Variants in RANBP2 observed in about 807,000 individuals in gnomAD.
The protein encoded by RANBP2 is E3 SUMO-protein ligase RanBP2.
RANBP2 carries 57 observed loss-of-function variants against 303.6 expected under a neutral mutation model. The ratio of observed to expected loss-of-function variants is 0.19; its 90% CI spans 0.15 to 0.23. The LOEUF (loss-of-function observed/expected upper bound fraction) is 0.23. Among genes scored for constraint, RANBP2 ranks in the 10% least tolerant of loss-of-function variants. The pLI is 1.00. For missense variants in RANBP2, 3,138 were observed against 3,780.8 expected (o/e 0.83, Z 4.46); for synonymous variants, 1,167 against 1,301.5 (o/e 0.90, Z 2.23).
At chr2:109,496,254 T>G in the RANBP2 span, among the ~76,000 whole-genome samples, 1 of 152,206 alleles carries the variant, frequency 6.6e-6, no homozygotes, top group Non-Finnish European at 1.5e-5. Context: ...CACTAATTGC[T>G]GCATTTTATA....
At chr2:108,872,610 T>C in the RANBP2 span, among the ~76,000 whole-genome samples, 110,682 of 151,954 alleles carry the variant, frequency 0.73, 43,053 homozygotes, top group East Asian at 0.95. Flanking sequence ...ATCAAGATGC[T>C]GGCATCTTGC....
At chr2:109,201,263 G>T in the RANBP2 span, among the ~76,000 whole-genome samples, 1 of 152,188 alleles carries the variant, frequency 6.6e-6, no homozygotes, top group Non-Finnish European at 1.5e-5. Context: ...AAATTTTGCT[G>T]GCCTTGTATT....
the RANBP2 span, among the ~76,000 whole-genome samples, chr2:109,323,091 C>T: frequency 6.6e-5 from 10 of 152,194 alleles, no homozygotes; most frequent in African/African-American, 4.8e-5. Context: ...TGTGGGGCTT[C>T]TGCTTTTGCC....
chr2:109,050,537 G>C, the RANBP2 span, among the ~76,000 whole-genome samples: 1 of 152,128 alleles, frequency 6.6e-6, no homozygotes, highest in Non-Finnish European at 1.5e-5. Flanking sequence ...TTACAGGTGT[G>C]AGCCACCATG....
At chr2:109,619,568 C>T in the RANBP2 span, among the ~76,000 whole-genome samples, 2 of 152,278 alleles carry the variant, frequency 1.3e-5, no homozygotes, top group South Asian at 4.1e-4. Context: ...CACTATTGCT[C>T]TATCCGGGAG....
At chr2:109,662,435 C>T in the RANBP2 span, among the ~76,000 whole-genome samples, 8 of 152,036 alleles carry the variant, frequency 5.3e-5, no homozygotes, top group East Asian at 1.9e-4. Flanking sequence ...TACAGGCACC[C>T]GCCACCATGC....
At chr2:108,779,772 C>T (rs987486430) in intron 25 of RANBP2, among the ~76,000 whole-genome samples, 10 of 152,122 alleles carry the variant, frequency 6.6e-5, no homozygotes, top group Non-Finnish European at 1.2e-4. Context: ...TCATTGTTCC[C>T]CCATACAGAA....
At chr2:109,335,830 A>G in the RANBP2 span, among the ~76,000 whole-genome samples, 1 of 152,212 alleles carries the variant, frequency 6.6e-6, no homozygotes, top group African/African-American at 2.4e-5. Flanking sequence ...AGAGGATAAG[A>G]ATGAAAGTTA....
the RANBP2 span, among the ~76,000 whole-genome samples, chr2:109,731,775 A>G: frequency 6.6e-6 from 1 of 151,826 alleles, no homozygotes; most frequent in Non-Finnish European, 1.5e-5. Flanking sequence ...GGCAGGAGCC[A>G]CTGCGTCTGG....
chr2:109,135,399 G>A, the RANBP2 span, among the ~76,000 whole-genome samples: 1 of 152,248 alleles, frequency 6.6e-6, no homozygotes, highest in African/African-American at 2.4e-5. Flanking sequence ...CATCTGCCCC[G>A]GGGCAAATGG....
the RANBP2 span, among the ~76,000 whole-genome samples, chr2:109,000,175 T>C: frequency 1.3e-5 from 2 of 152,070 alleles, no homozygotes. Context: ...GTGTTCCAGA[T>C]GAGGAGGCAA....
chr2:109,111,115 A>C, the RANBP2 span, among the ~76,000 whole-genome samples: 1 of 152,180 alleles, frequency 6.6e-6, no homozygotes, highest in Non-Finnish European at 1.5e-5. Flanking sequence ...TCTCATGCTG[A>C]AAGTCTTACT....
chr2:108,960,048 A>G, the RANBP2 span, among the ~76,000 whole-genome samples: 1 of 152,134 alleles, frequency 6.6e-6, no homozygotes, highest in African/African-American at 2.4e-5. Context: ...CTGAGAAAGC[A>G]GTGCCCTCCA....
chr2:108,949,270 C>T, the RANBP2 span, among the ~76,000 whole-genome samples: 1 of 152,164 alleles, frequency 6.6e-6, no homozygotes, highest in African/African-American at 2.4e-5. Context: ...GTGTGAGCCA[C>T]CAAGCCTGGC....
At chr2:109,623,553 G>A in the RANBP2 span, among the ~76,000 whole-genome samples, 1 of 152,340 alleles carries the variant, frequency 6.6e-6, no homozygotes, top group Admixed American at 6.5e-5. Context: ...AACCCAGAGT[G>A]ACCCCGATGG....
the RANBP2 span, chr2:109,615,026 G>A: frequency 6.5e-7 from 1 of 1,547,174 alleles, no homozygotes; most frequent in Non-Finnish European, 8.7e-7. Context: ...TGGAGCTCCC[G>A]CCACATGGCT....
At chr2:109,194,654 G>A in the RANBP2 span, among the ~76,000 whole-genome samples, 1 of 152,328 alleles carries the variant, frequency 6.6e-6, no homozygotes, top group African/African-American at 2.4e-5. Flanking sequence ...GAAGAGATGG[G>A]TTTGGTGATC....
At chr2:108,821,075 T>C in the RANBP2 span, among the ~76,000 whole-genome samples, 1 of 152,170 alleles carries the variant, frequency 6.6e-6, no homozygotes, top group Non-Finnish European at 1.5e-5. Context: ...ATATAATTTG[T>C]GGCCGGGTGC....
the RANBP2 span, among the ~76,000 whole-genome samples, chr2:108,900,550 CA>C: frequency 5.7e-5 from 4 of 69,568 alleles, no homozygotes; most frequent in Admixed American, 1.9e-4. Context: ...GTGGAAACTC[CA>C]AAAAAAAAGA....
Sources: allele counts gnomAD v4.1 joint callset (sites outside exome capture counted in the v4.1 genomes callset), GRCh38; gene constraint gnomAD v4.1.1; transcripts MANE v1.5; gene names NCBI Gene and HGNC (gene_info 2026-07-23, HGNC 2026-07-21).